Variants in ASAP3 observed in about 807,000 individuals in gnomAD.
ASAP3 encodes arf-GAP with SH3 domain, ANK repeat and PH domain-containing protein 3.
A neutral mutation model predicts 118.2 loss-of-function variants in ASAP3; 85 were observed. The observed-to-expected ratio is 0.72, with a 90% CI of 0.60 to 0.86. The LOEUF (loss-of-function observed/expected upper bound fraction) is 0.86, where lower values mean the gene tolerates loss of function less well. Ranked by LOEUF, ASAP3 falls within the 40% of genes least tolerant of loss-of-function variation. The pLI, the probability that ASAP3 is intolerant of heterozygous loss-of-function variation, is 0.00. For missense variants in ASAP3, 1,026 were observed against 1,175.0 expected, an observed-to-expected ratio of 0.87 and a Z score of 1.85; for synonymous variants, 432 against 477.4, an observed-to-expected ratio of 0.90 and a Z score of 1.24.
chr1:23,461,044 C>A (rs940493316), intron 1 of ASAP3, among the ~76,000 whole-genome samples: 6 of 152,034 alleles, frequency 3.9e-5, no homozygotes, highest in Non-Finnish European at 8.8e-5. Context: ...CAGTGGTGGC[C>A]AGGGATGGGG....
intron 1 of ASAP3, among the ~76,000 whole-genome samples, chr1:23,471,112 G>C (rs755973447): frequency 7.2e-5 from 11 of 152,172 alleles, no homozygotes; most frequent in Non-Finnish European, 1.3e-4. Context: ...CCCCACTTGG[G>C]CTTGCTATCC....
chr1:23,483,904 G>C, intron 1 of ASAP3, 101 bp downstream of exon 1: 1 of 1,166,180 alleles, frequency 8.6e-7, no homozygotes, highest in Non-Finnish European at 1.1e-6. Context: ...CAGGTTTCGG[G>C]GCGCGGTGAA....
chr1:23,434,577 G>A lies in ASAP3; in HGVS notation c.1791C>T (p.Ala597=). Residue 597 remains alanine (A), a synonymous_variant, in exon 18 of 25, where the codon GCC becomes GCT. Coordinates refer to ENST00000336689, the MANE Select transcript of ASAP3 (RefSeq NM_017707.4). The stretch of plus-strand genomic sequence containing the variant: ...CCACCAGAGGCAGGGAAGCCTGGTT[G>A]GCGACTTTGACAGCCAAATGCAAGA... ...ELVLHLAVKV[A]NQASLPLVDF... The A allele has an allele frequency of 6.2e-7, 1 of 1,614,140 alleles. No homozygotes were observed. The highest frequency in any genetic ancestry group is 8.5e-7 in the Non-Finnish European group (1 of 1,180,026).
At position 23,451,516 on chromosome 1, in the gene ASAP3, G is replaced by GT; in HGVS notation, c.435dup (p.Gln146ThrfsTer10). 1 of 1,614,166 alleles carries GT rather than the reference G, an allele frequency of 6.2e-7. No individual in the cohort carries two copies. The highest frequency in any genetic ancestry group is 2.2e-5 in the East Asian group (1 of 44,892). ...TAGTCCTTCCATGCCTTCTCCAGCT[G>GT]TTTTTTGGAATCCTGTGGGTTAAAA... On this transcript the variant is annotated frameshift_variant, in exon 5 of 25. Coordinates refer to ENST00000336689, the MANE Select transcript of ASAP3 (RefSeq NM_017707.4). LOFTEE classifies it high-confidence loss of function.
rs759348575 is a variant in ASAP3 at position 23,438,868 on chromosome 1, T to C, written c.1015-34A>G. 5 of 1,591,312 alleles carry C rather than the reference T, an allele frequency of 3.1e-6. No homozygotes were observed. The highest frequency in any genetic ancestry group is 2.6e-6 in the Non-Finnish European group (3 of 1,159,382). ...ATTTAGGGGCGGAGGATGTATGCAT[T>C]ACCTCTGGCCCTCCACATTCTTTAG... On this transcript the variant is annotated intron_variant, in intron 11 of 24. Transcript: ENST00000336689. The surrounding 1 kb of genome is among the most constrained non-coding windows in gnomAD (Gnocchi z 4.9).
chr1:23,469,686 T>C (rs185960644), intron 1 of ASAP3, among the ~76,000 whole-genome samples: 33 of 152,310 alleles, frequency 2.2e-4, no homozygotes, highest in Non-Finnish European at 4.6e-4. Context: ...ACTGCTCACT[T>C]TGGGGCAGGC....
chr1:23,460,018 C>T (rs943648371), intron 1 of ASAP3, among the ~76,000 whole-genome samples: 4 of 152,178 alleles, frequency 2.6e-5, no homozygotes, highest in Non-Finnish European at 5.9e-5. Context: ...TAATTGTTAA[C>T]TTCCAAAAAG....
At chr1:23,469,519 G>C (rs1210790040) in intron 1 of ASAP3, among the ~76,000 whole-genome samples, 3 of 152,148 alleles carry the variant, frequency 2.0e-5, no homozygotes, top group African/African-American at 7.2e-5. Flanking sequence ...GCGGGACAAA[G>C]AGGGTTCAGC....
chr1:23,446,340 T>C (rs1211702022), intron 5 of ASAP3, among the ~76,000 whole-genome samples: 1 of 152,216 alleles, frequency 6.6e-6, no homozygotes, highest in African/African-American at 2.4e-5. Context: ...CCCTTCTCTG[T>C]AGTTTTGCTT....
chr1:23,452,886 G>A, intron 3 of ASAP3, 115 bp from the exon 4 acceptor site: 1 of 1,013,628 alleles, frequency 9.9e-7, no homozygotes, highest in African/African-American at 1.6e-5. Flanking sequence ...AGGGAAGTAG[G>A]GGAGAGGAAA....
At chr1:23,476,535 C>T (rs952169638) in intron 1 of ASAP3, among the ~76,000 whole-genome samples, 18 of 152,200 alleles carry the variant, frequency 1.2e-4, no homozygotes, top group Admixed American at 1.3e-4. Context: ...AGAATGGCCT[C>T]CTTGGGTCCT....
At chr1:23,434,106 G>A (rs1558108653) in intron 19 of ASAP3, 148 bp downstream of exon 19, 1 of 729,064 alleles carries the variant, frequency 1.4e-6, no homozygotes, top group Middle Eastern at 2.5e-4. Context: ...TACAGATGAG[G>A]AAGCTGAAAT....
Position 23,431,796 on chromosome 1 carries a change from G to A in ASAP3, c.2446C>T (p.Pro816Ser), listed in dbSNP as rs766739739. The A allele has an allele frequency of 1.9e-6, 3 of 1,550,824 alleles. No individual in the cohort carries two copies. The highest frequency in any genetic ancestry group is 1.7e-6 in the Non-Finnish European group (2 of 1,155,668). The change falls in exon 23 of 25, where the codon CCC becomes TCC. Residue 816 changes from proline (P) to serine (S), a missense_variant. Pro to Ser is a moderately conservative substitution (Grantham distance 74). Coordinates refer to ENST00000336689, the MANE Select transcript of ASAP3 (RefSeq NM_017707.4). Reference sequence around the variant, plus strand: ...TCTCGGAGGCCCTCTTCAGAGTTGGGTGGGGCTTGGCTGGGATCCCCAGGT... The same window carrying A: ...TCTCGGAGGCCCTCTTCAGAGTTGGATGGGGCTTGGCTGGGATCCCCAGGT... ...LEPGDPSQAP[P>S]NSEEGLREPP...
intron 1 of ASAP3, among the ~76,000 whole-genome samples, chr1:23,467,966 A>AAAG (rs942856653): frequency 1.3e-5 from 2 of 151,878 alleles, no homozygotes; most frequent in African/African-American, 4.8e-5. Context: ...AAAAAAAAAA[A>AAAG]AAGAAAAAGA....
At chr1:23,458,319 G>A (rs531967496) in intron 1 of ASAP3, among the ~76,000 whole-genome samples, 40 of 152,038 alleles carry the variant, frequency 2.6e-4, no homozygotes, top group South Asian at 6.2e-4. Context: ...TGTCTCTACC[G>A]AAAAGAAAAA....
chr1:23,436,574 TG>T lies in ASAP3; in HGVS notation c.1556del (p.Ser519Ter). The T allele has an allele frequency of 6.2e-7, 1 of 1,614,206 alleles. No individual in the cohort carries two copies. The highest frequency in any genetic ancestry group is 8.5e-7 in the Non-Finnish European group (1 of 1,180,022). Reference protein sequence around the residue: ...QLPSHGGPKPSAESDMGTRRD... With the variant: ...QLPSHGGPKPXAESDMGTRRD... ...AATCCCCTTACATGTCACTCTCAGC[TG>T]AGGGTTTAGGGCCGCCGTGTGAGGG... On this transcript the variant is annotated frameshift_variant, in exon 16 of 25. Coordinates refer to ENST00000336689, the MANE Select transcript of ASAP3 (RefSeq NM_017707.4). LOFTEE classifies it high-confidence loss of function. The surrounding 1 kb of genome is among the most constrained non-coding windows in gnomAD (Gnocchi z 4.2).
chr1:23,472,934 T>C (rs908438734), intron 1 of ASAP3, among the ~76,000 whole-genome samples: 6 of 152,006 alleles, frequency 3.9e-5, no homozygotes, highest in African/African-American at 7.3e-5. Flanking sequence ...ACACAGCCAA[T>C]AGGAATTCAA....
At chr1:23,442,751 A>C (rs1640918472) in intron 5 of ASAP3, 139 bp from the exon 6 acceptor site, 1 of 1,298,804 alleles carries the variant, frequency 7.7e-7, no homozygotes, top group African/African-American at 1.5e-5. Flanking sequence ...GGGTACAATG[A>C]ACAAGACAGT....
intron 1 of ASAP3, among the ~76,000 whole-genome samples, chr1:23,478,237 G>A (rs1642194919): frequency 6.6e-6 from 1 of 152,246 alleles, no homozygotes; most frequent in Non-Finnish European, 1.5e-5. Flanking sequence ...AGCCGAGGTG[G>A]GTGGATCACC....
Sources: gnomAD v4.1 joint callset for allele counts (sites outside exome capture counted in the v4.1 genomes callset) on GRCh38, gnomAD v4.1.1 for gene constraint, Gnocchi (gnomAD v3.1) non-coding constraint, MANE v1.5 for transcripts, NCBI Gene and HGNC (gene_info 2026-07-23, HGNC 2026-07-21) for gene names.